Variants in PLCG2 observed in about 807,000 individuals in gnomAD.
PLCG2 encodes the protein 1-phosphatidylinositol 4,5-bisphosphate phosphodiesterase gamma-2.
PLCG2 carries 69 observed loss-of-function variants against 175.6 expected under a neutral mutation model. The ratio of observed to expected loss-of-function variants is 0.39; its 90% CI spans 0.32 to 0.48. PLCG2 has a LOEUF of 0.48. PLCG2 is among the 20% of genes least tolerant of loss of function. PLCG2 has a pLI of 0.91. For synonymous variants in PLCG2, 827 were observed against 624.0 expected (o/e 1.33, Z -4.85); for missense variants, 1,798 against 1,650.9 (o/e 1.09, Z -1.54).
In PLCG2 at chr16:81,960,966, C is replaced by T. The variant is rs759584564; in HGVS notation, c.*2968C>T. On this transcript the variant is annotated 3_prime_UTR_variant, in exon 33 of 33. Coordinates refer to ENST00000564138, the MANE Select transcript of PLCG2 (RefSeq NM_002661.5). Reference sequence around the variant, plus strand: ...TTACAAAAGAAAATATGGCTGTCTCCACCTCTAGTCTTACTGTAGAGCATG... The same window carrying T: ...TTACAAAAGAAAATATGGCTGTCTCTACCTCTAGTCTTACTGTAGAGCATG... The T allele has an allele frequency of 8.7e-6, 2 of 229,492 alleles. No individual in the cohort carries two copies. The highest frequency in any genetic ancestry group is 1.7e-5 in the Non-Finnish European group (2 of 115,876). The allele number at this position is 229,492 out of a possible 1,614,324, so 14.2% of individuals were successfully genotyped here. A position where few individuals can be genotyped will look rare whatever the true frequency, so the allele number is the denominator to read the frequency against.
intron 7 of PLCG2, among the ~76,000 whole-genome samples, chr16:81,877,935 G>C (rs1907885079): frequency 1.5e-5 from 2 of 137,494 alleles, no homozygotes; most frequent in Non-Finnish European, 3.1e-5. Flanking sequence ...TTTTCTCTGT[G>C]TGCTTCTCTG....
intron 1 of PLCG2, among the ~76,000 whole-genome samples, chr16:81,785,522 T>G (rs117500363): frequency 8.6e-5 from 13 of 151,774 alleles, no homozygotes; most frequent in Middle Eastern, 3.4e-3. Context: ...TGTTCTTAAT[T>G]TTGCTCAGGA....
chr16:81,810,491 G>A (rs188341154), intron 2 of PLCG2, among the ~76,000 whole-genome samples: 27 of 152,332 alleles, frequency 1.8e-4, no homozygotes, highest in Non-Finnish European at 3.2e-4. Context: ...CATTCTTGGT[G>A]ATGCAGACTG....
rs891770040 is a variant in PLCG2, at chr16:81,854,677, T to C, written c.337+90T>C. 11 of 1,133,800 alleles carry C rather than the reference T, an allele frequency of 9.7e-6. No homozygotes were observed. The Admixed American group carries it at 1.8e-4, about 19-fold the overall frequency. The allele number at this position is 1,133,800 out of a possible 1,614,324, so 70.2% of individuals were successfully genotyped here. A position where few individuals can be genotyped will look rare whatever the true frequency, so the allele number is the denominator to read the frequency against. On this transcript the variant is annotated intron_variant, in intron 3 of 32. Transcript: ENST00000564138. ...TAATAGCAGAATGCTCACCCCTGCC[T>C]GCTCACTGATGTGTATTTGGGGTCA...
rs141693204 is a variant in PLCG2, at chr16:81,840,232, C to G, written c.194-14212C>G. Among the ~76,000 whole-genome samples, 754 of 152,260 alleles carry G rather than the reference C, an allele frequency of 5.0e-3. 12 individuals carry two copies. Among genetic ancestry groups the G allele is most frequent in the African/African-American group, 0.018 (734 of 41,556 alleles). ...TGGAGAGCATGCTTAGAATTGAGCCCTGACAGCTGGCCCCTGAGCTGCCCA... is the reference window on the plus strand; with the variant it reads ...TGGAGAGCATGCTTAGAATTGAGCCGTGACAGCTGGCCCCTGAGCTGCCCA... On this transcript the variant is annotated intron_variant, in intron 2 of 32. Coordinates refer to ENST00000564138, the MANE Select transcript of PLCG2 (RefSeq NM_002661.5).
intron 5 of PLCG2, among the ~76,000 whole-genome samples, chr16:81,864,381 C>G (rs754196961): frequency 5.3e-5 from 8 of 152,230 alleles, no homozygotes; most frequent in Non-Finnish European, 8.8e-5. Flanking sequence ...GTGGAACTAG[C>G]TGCATTTCAG....
intron 24 of PLCG2, among the ~76,000 whole-genome samples, chr16:81,929,402 T>C (rs1165749600): frequency 6.6e-6 from 1 of 152,202 alleles, no homozygotes; most frequent in African/African-American, 2.4e-5. Context: ...TCATTTATTA[T>C]TATTTCTTTT....
At chr16:81,773,035 TG>T (rs1910317681) in intron 2 of PLCG2, among the ~76,000 whole-genome samples, 1 of 152,166 alleles carries the variant, frequency 6.6e-6, no homozygotes, top group South Asian at 2.1e-4. Context: ...TCTCATGATG[TG>T]GGGGAAGCTG....
At chr16:81,784,407 G>A (rs1171061221) in intron 1 of PLCG2, among the ~76,000 whole-genome samples, 1 of 152,248 alleles carries the variant, frequency 6.6e-6, no homozygotes, top group East Asian at 1.9e-4. Context: ...CCATTTTACA[G>A]ATGAGGGAAC....
rs1911770486 is a variant in PLCG2 at position 81,961,338 on chromosome 16, T to C, written c.*3340T>C. ...ATGTTATCAATCTACATAGATGAAA[T>C]AATTGTGGAGAAAAGCCCTCTTTAT... On this transcript the variant is annotated 3_prime_UTR_variant, in exon 33 of 33. Transcript: ENST00000564138. 4.4e-6 allele frequency: 1 copy of C among 225,480 alleles called. No individual in the cohort carries two copies. Among genetic ancestry groups the C allele is most frequent in the South Asian group, 1.8e-4 (1 of 5,480 alleles). 14.0% of individuals were successfully genotyped at this position (225,480 alleles called of 1,614,324 possible). A position where few individuals can be genotyped will look rare whatever the true frequency, so the allele number is the denominator to read the frequency against.
chr16:81,741,762 G>C (rs1034122622), intron 1 of PLCG2, among the ~76,000 whole-genome samples: 4 of 152,114 alleles, frequency 2.6e-5, no homozygotes, highest in Non-Finnish European at 1.5e-5. Flanking sequence ...AGTGAGCTGA[G>C]ATTGTGCCAC....
At chr16:81,816,767 G>T (rs1350165978) in intron 2 of PLCG2, among the ~76,000 whole-genome samples, 1 of 137,678 alleles carries the variant, frequency 7.3e-6, no homozygotes, top group Non-Finnish European at 1.5e-5. Flanking sequence ...CTCCCAAAAT[G>T]CTGGGATTAC....
chr16:81,871,557 C>T (rs1248459557), intron 7 of PLCG2, among the ~76,000 whole-genome samples: 2 of 152,068 alleles, frequency 1.3e-5, no homozygotes, highest in African/African-American at 2.4e-5. Flanking sequence ...GGGCAGGTCT[C>T]GAACTTCTAA....
At chr16:81,885,574 T>A (rs555193690) in intron 9 of PLCG2, among the ~76,000 whole-genome samples, 113 of 152,330 alleles carry the variant, frequency 7.4e-4, no homozygotes, top group African/African-American at 2.6e-3. Flanking sequence ...CCCCAGACTT[T>A]GCGTCATTTT....
At chr16:81,795,083 C>A (rs1911406409) in intron 2 of PLCG2, among the ~76,000 whole-genome samples, 1 of 152,126 alleles carries the variant, frequency 6.6e-6, no homozygotes, top group African/African-American at 2.4e-5. Flanking sequence ...TCAAAGAGGA[C>A]CTGATGTGTG....
rs537264752 is a variant in PLCG2, at chr16:81,908,284, G to T, written c.1558-132G>T. The T allele has an allele frequency of 1.3e-5, 10 of 772,674 alleles. No individual in the cohort carries two copies. In the South Asian group the frequency reaches 1.4e-4, roughly 11 times the overall value. The allele number at this position is 772,674 out of a possible 1,614,324, so 47.9% of individuals were successfully genotyped here. ...GTGCTGTTTTCCCATACCCCTTCGG[G>T]TGGGGACCAGCTGAGGCTGGCCTCT... On this transcript the variant is annotated intron_variant, in intron 16 of 32. Transcript: ENST00000564138.
intron 1 of PLCG2, among the ~76,000 whole-genome samples, chr16:81,745,535 T>C (rs998201462): frequency 6.6e-6 from 1 of 152,110 alleles, no homozygotes; most frequent in African/African-American, 2.4e-5. Context: ...CTGCAGGCCA[T>C]ATGGTAATTA....
At position 81,962,258 on chromosome 16, in the gene PLCG2, A is replaced by T. The variant is rs1038692394; in HGVS notation, c.*4260A>T. ...TCAACCCTTTTGACTTTAAAAGGAA[A>T]ATAGCTTAACCTTCAACCTGTGTGA... is the stretch of plus-strand genomic sequence containing the variant. On this transcript the variant is annotated 3_prime_UTR_variant, in exon 33 of 33. Transcript: ENST00000564138. 5.7e-5 allele frequency: 11 copies of T among 194,618 alleles called. No individual in the cohort carries two copies. Among genetic ancestry groups the T allele is most frequent in the Non-Finnish European group, 1.1e-4 (10 of 93,728 alleles). The allele number at this position is 194,618 out of a possible 1,614,324, so 12.1% of individuals were successfully genotyped here. A position where few individuals can be genotyped will look rare whatever the true frequency, so the allele number is the denominator to read the frequency against.
At chr16:81,864,250 G>C (rs767139188) in intron 5 of PLCG2, among the ~76,000 whole-genome samples, 1 of 152,184 alleles carries the variant, frequency 6.6e-6, no homozygotes, top group African/African-American at 2.4e-5. Flanking sequence ...AGATGCTGCT[G>C]GTCTGGGAGC....
Sources: allele counts gnomAD v4.1 joint callset (sites outside exome capture counted in the v4.1 genomes callset), GRCh38; gene constraint gnomAD v4.1.1; transcripts MANE v1.5; gene names NCBI Gene and HGNC (gene_info 2026-07-23, HGNC 2026-07-21).